The following TRRAP variants were observed in gnomAD, a reference collection of about 807,000 sequenced individuals.
TRRAP encodes transformation/transcription domain associated protein.
Under a neutral mutation model 438.8 loss-of-function variants are expected in TRRAP, and 41 were observed. That is an observed-to-expected ratio of 0.09 (90% confidence interval 0.07 to 0.12). TRRAP has a LOEUF of 0.12. Among genes scored for constraint, TRRAP ranks in the 10% least tolerant of loss-of-function variants. The pLI is 1.00. For missense variants in TRRAP, 3,122 were observed against 5,055.1 expected, an observed-to-expected ratio of 0.62 and a Z score of 11.60; for synonymous variants, 1,994 against 1,962.9, an observed-to-expected ratio of 1.02 and a Z score of -0.42.
intron 45 of TRRAP, 112 bp from the exon 46 acceptor site, chr7:98,961,149 T>G: frequency 1.1e-6 from 1 of 950,108 alleles, no homozygotes; most frequent in African/African-American, 1.6e-5. Context: ...TTTTTTTTAC[T>G]TAGTCTCCAA....
At chr7:98,937,381 T>C in intron 29 of TRRAP, 104 bp downstream of exon 29, 1 of 1,469,490 alleles carries the variant, frequency 6.8e-7, no homozygotes, top group Non-Finnish European at 9.0e-7. Context: ...AAACAGTGTA[T>C]GCCTAAAAGG....
intron 62 of TRRAP, 139 bp downstream of exon 62, chr7:98,985,183 A>G: frequency 1.7e-6 from 1 of 585,744 alleles, no homozygotes; most frequent in Non-Finnish European, 3.0e-6. Flanking sequence ...TTTTTTAGGT[A>G]CTGCACCTCT....
At chr7:98,906,616 A>G (rs1458551364) in intron 13 of TRRAP, among the ~76,000 whole-genome samples, 8 of 151,796 alleles carry the variant, frequency 5.3e-5, no homozygotes, top group African/African-American at 1.9e-4. Context: ...TATTTTTAGT[A>G]GAGATGGGGT....
rs369190735 is a variant in TRRAP, at chr7:98,945,761, G to A, written c.4488G>A (p.Glu1496=). The A allele has an allele frequency of 8.8e-6, 14 of 1,598,240 alleles. 1 individual carries two copies. Among genetic ancestry groups the A allele is most frequent in the Admixed American group, 3.3e-5 (2 of 59,986 alleles). ...CCCATCCTCAGGAAAGCATTTCCGA[G>A]TGCGGGAGATGTCCCTTGTCTCCAT... ...QRSDGNESIS[E]CGRCPLSPFC... is the part of the protein sequence containing the mutation. The change falls in exon 32 of 73, where the codon GAG becomes GAA. Residue 1496 remains glutamate (E), a synonymous_variant. Transcript: ENST00000456197.
intron 33 of TRRAP, among the ~76,000 whole-genome samples, chr7:98,946,421 C>T (rs536526207): frequency 3.9e-4 from 60 of 152,024 alleles, no homozygotes; most frequent in Non-Finnish European, 6.3e-4. Flanking sequence ...TGCACACACA[C>T]CACACATGCA....
At chr7:98,993,110 C>CT (rs1241363624) in intron 65 of TRRAP, among the ~76,000 whole-genome samples, 7 of 152,120 alleles carry the variant, frequency 4.6e-5, no homozygotes, top group African/African-American at 1.4e-4. Context: ...TTTAGATTCT[C>CT]TGAGTTTATA....
chr7:98,961,031 G>A (rs994551438), intron 45 of TRRAP, among the ~76,000 whole-genome samples: 12 of 151,896 alleles, frequency 7.9e-5, no homozygotes, highest in African/African-American at 2.2e-4. Flanking sequence ...GTTTATTATC[G>A]AATATTAATA....
rs61132070 is a variant in TRRAP at position 98,997,483 on chromosome 7, C to CAAAAAAAAAAAAAAAAAAAAAAAA, written c.10309+2641_10309+2664dup. ...ATTATCACCCAAAACACTGCTGTTG[C>CAAAAAAAAAAAAAAAAAAAAAAAA]AAAAAAAAAAAAAAAAAAAAAAAAA... is the stretch of plus-strand genomic sequence containing the variant. On this transcript the variant is annotated intron_variant, in intron 67 of 72. Transcript: ENST00000456197. 1.2e-4 allele frequency among the ~76,000 whole-genome samples: 5 copies of CAAAAAAAAAAAAAAAAAAAAAAAA among 42,618 alleles called. 1 individual carries two copies. The highest frequency in any genetic ancestry group is 6.9e-4 in the Admixed American group (2 of 2,896). 28.0% of individuals were successfully genotyped at this position (42,618 alleles called of 152,430 possible).
chr7:98,990,353 A>T (rs1188010189), intron 63 of TRRAP, 102 bp from the exon 64 acceptor site: 1 of 1,257,242 alleles, frequency 8.0e-7, no homozygotes, highest in Admixed American at 2.3e-5. Flanking sequence ...TTACATGGCC[A>T]GTAAAGCCGC....
At chr7:98,899,834 C>A in intron 10 of TRRAP, 67 bp downstream of exon 10, 1 of 1,541,656 alleles carries the variant, frequency 6.5e-7, no homozygotes, top group South Asian at 1.1e-5. Context: ...TTGCTGTTGT[C>A]ATTCTTAAGA....
In TRRAP at chr7:98,959,294, G is replaced by A. The variant is rs763419002; in HGVS notation, c.6343-50G>A. ...GAGACGTGCTGTCACTGGAATGACT[G>A]TAAACTCGGATGCAGTGAAATGCCG... On this transcript the variant is annotated intron_variant, in intron 44 of 72. Coordinates refer to ENST00000456197, the MANE Select transcript of TRRAP (RefSeq NM_001375524.1). 1.5e-5 allele frequency: 24 copies of A among 1,600,282 alleles called. No homozygotes were observed. In the East Asian group the frequency reaches 3.6e-4, roughly 24 times the overall value.
chr7:98,953,460 C>T (rs189228094), intron 40 of TRRAP, 27 bp downstream of exon 40: 41 of 1,599,504 alleles, frequency 2.6e-5, no homozygotes, highest in Admixed American at 1.2e-4. Flanking sequence ...TCCTGTCCGC[C>T]GACATCAGCG....
At chr7:98,907,216 G>A (rs909120037) in intron 13 of TRRAP, among the ~76,000 whole-genome samples, 5 of 151,960 alleles carry the variant, frequency 3.3e-5, no homozygotes, top group Admixed American at 6.6e-5. Flanking sequence ...CCAACTAGTC[G>A]GGAGGCTGAG....
At position 98,908,385 on chromosome 7, in the gene TRRAP, T is replaced by C. The variant is rs1215859854; in HGVS notation, c.1116-343T>C. Among the ~76,000 whole-genome samples, 1 of 152,238 alleles carries C rather than the reference T, an allele frequency of 6.6e-6. No homozygotes were observed. Among genetic ancestry groups the C allele is most frequent in the Non-Finnish European group, 1.5e-5 (1 of 68,044 alleles). On this transcript the variant is annotated intron_variant, in intron 13 of 72. Transcript: ENST00000456197. The surrounding 1 kb of genome is among the most constrained non-coding windows in gnomAD (Gnocchi z 4.1). ...AGTGGTCATCATATATAAAGATTGA[T>C]TGACCCGTCCTATTTATTTTTGAGC...
chr7:98,886,177 G>A (rs540189629), intron 3 of TRRAP, among the ~76,000 whole-genome samples: 6 of 152,210 alleles, frequency 3.9e-5, no homozygotes, highest in African/African-American at 1.2e-4. Flanking sequence ...TGTAGTCCCA[G>A]CTACTGGGAA....
At chr7:98,937,043 C>A in intron 28 of TRRAP, 113 bp from the exon 29 acceptor site, 1 of 1,322,260 alleles carries the variant, frequency 7.6e-7, no homozygotes, top group Non-Finnish European at 9.9e-7. Context: ...ACCTGGGCAA[C>A]ATAGCAAGAC....
intron 17 of TRRAP, among the ~76,000 whole-genome samples, chr7:98,911,539 G>A (rs924727567): frequency 1.3e-5 from 2 of 152,166 alleles, no homozygotes; most frequent in Non-Finnish European, 2.9e-5. Flanking sequence ...TTAGGAGGCC[G>A]GGGATTGCTT....
intron 4 of TRRAP, 41 bp downstream of exon 4, chr7:98,890,486 G>A: frequency 2.1e-6 from 3 of 1,432,464 alleles, no homozygotes; most frequent in Non-Finnish European, 2.8e-6. Flanking sequence ...GGGTGCTGTG[G>A]GATTGTGACC....
Position 98,931,497 on chromosome 7 carries a change from A to G in TRRAP, c.3684A>G (p.Glu1228=). 1 of 1,614,138 alleles carries G rather than the reference A, an allele frequency of 6.2e-7. No homozygotes were observed. Among genetic ancestry groups the G allele is most frequent in the Admixed American group, 1.7e-5 (1 of 60,008 alleles). The change falls in exon 26 of 73, where the codon GAA becomes GAG. Residue 1228 remains glutamate (E), a synonymous_variant. Transcript: ENST00000456197. ...CTTTAAAAGACGAGGAGAGAGCCGA[A>G]GAGATCGTGGCCGCCCAGGAAAAGT... The part of the protein sequence containing the change: ...ATPLKDEERA[E]EIVAAQEKSF...
Sources: gnomAD v4.1 joint callset for allele counts (sites outside exome capture counted in the v4.1 genomes callset) on GRCh38, gnomAD v4.1.1 for gene constraint, Gnocchi (gnomAD v3.1) non-coding constraint, MANE v1.5 for transcripts, NCBI Gene and HGNC (gene_info 2026-07-23, HGNC 2026-07-21) for gene names.